Variants in IQCJ observed in about 807,000 individuals in gnomAD.
IQCJ encodes the protein IQ domain-containing protein J.
In IQCJ, 9 loss-of-function variants were observed where a neutral mutation model predicts 11.0. That is an observed-to-expected ratio of 0.82 (90% CI 0.49 to 1.43). The LOEUF (loss-of-function observed/expected upper bound fraction) is 1.43, where lower values mean the gene tolerates loss of function less well. Ranked by LOEUF, IQCJ falls within the 40% of genes most tolerant of loss-of-function variation. The pLI, the probability that IQCJ is intolerant of heterozygous loss-of-function variation, is 0.00. For missense variants in IQCJ, 146 were observed against 133.2 expected (o/e 1.10, Z -0.47); for synonymous variants, 55 against 51.3 (o/e 1.07, Z -0.31).
chr3:159,261,612 T>A (rs1239864304), intron 3 of IQCJ, among the ~76,000 whole-genome samples: 1 of 152,140 alleles, frequency 6.6e-6, no homozygotes, highest in East Asian at 1.9e-4. Context: ...TCCTGAGACC[T>A]CCCCAGCCAT....
intron 1 of IQCJ, among the ~76,000 whole-genome samples, chr3:159,073,328 G>T (rs1410801645): frequency 2.6e-5 from 4 of 152,074 alleles, no homozygotes; most frequent in Non-Finnish European, 5.9e-5. Flanking sequence ...AGGAAGATCT[G>T]AGCAGTGTAC....
intron 1 of IQCJ, among the ~76,000 whole-genome samples, chr3:159,185,337 C>T (rs1462112324): frequency 7.2e-5 from 11 of 152,000 alleles, no homozygotes; most frequent in African/African-American, 2.7e-4. Context: ...ATCCTAGCTG[C>T]AAGGGAGTTT....
chr3:159,164,923 C>A (rs1452435621), intron 1 of IQCJ, among the ~76,000 whole-genome samples: 2 of 152,222 alleles, frequency 1.3e-5, no homozygotes, highest in Non-Finnish European at 2.9e-5. Context: ...TCTCACATTT[C>A]ATTCTTGACT....
chr3:159,263,511 G>A lies in IQCJ; in HGVS notation c.*780G>A. ...GGGATTTATGAACCAGGATTTTGTG[G>A]ATTTAAGCATTGTGATAATTTGTAA... is the stretch of plus-strand genomic sequence containing the variant. On this transcript the variant is annotated 3_prime_UTR_variant, in exon 4 of 4. Coordinates refer to ENST00000397832, the MANE Select transcript of IQCJ (RefSeq NM_001042706.3). The A allele has an allele frequency of 2.0e-6, 2 of 984,884 alleles. No homozygotes were observed. The highest frequency in any genetic ancestry group is 1.2e-6 in the Non-Finnish European group (1 of 829,472). The allele number at this position is 984,884 out of a possible 1,614,324, so 61.0% of individuals were successfully genotyped here.
chr3:159,228,278 C>A (rs1231943044), intron 1 of IQCJ, among the ~76,000 whole-genome samples: 1 of 152,124 alleles, frequency 6.6e-6, no homozygotes, highest in Admixed American at 6.5e-5. Context: ...GGCTTTCTTT[C>A]TGAACATGCT....
chr3:159,137,269 A>G (rs952116621), intron 1 of IQCJ, among the ~76,000 whole-genome samples: 1 of 145,678 alleles, frequency 6.9e-6, no homozygotes, highest in Non-Finnish European at 1.5e-5. Context: ...CTTGGAAAAA[A>G]AAAAAAAAAG....
intron 1 of IQCJ, among the ~76,000 whole-genome samples, chr3:159,082,937 A>C (rs1300980097): frequency 2.6e-5 from 4 of 152,130 alleles, no homozygotes; most frequent in Non-Finnish European, 4.4e-5. Context: ...ACGAACCTCG[A>C]CCACATGCCT....
intron 1 of IQCJ, among the ~76,000 whole-genome samples, chr3:159,182,528 A>C (rs1449646638): frequency 6.6e-6 from 1 of 151,992 alleles, no homozygotes; most frequent in Non-Finnish European, 1.5e-5. Flanking sequence ...GGGCATCGGC[A>C]AGACTCCTGT....
intron 1 of IQCJ, among the ~76,000 whole-genome samples, chr3:159,160,962 T>C (rs1721815666): frequency 1.3e-5 from 2 of 152,190 alleles, no homozygotes; most frequent in South Asian, 4.1e-4. Context: ...TCCAAGTCTT[T>C]GCTATTATGA....
chr3:159,152,908 C>T (rs967987407), intron 1 of IQCJ, among the ~76,000 whole-genome samples: 8 of 151,924 alleles, frequency 5.3e-5, no homozygotes, highest in Non-Finnish European at 8.8e-5. Context: ...TAAGGTAGTA[C>T]GCCATAAGTG....
chr3:159,173,808 G>C (rs968340675), intron 1 of IQCJ, among the ~76,000 whole-genome samples: 1 of 152,084 alleles, frequency 6.6e-6, no homozygotes, highest in Non-Finnish European at 1.5e-5. Context: ...ATGTATGAAA[G>C]CATATTACAT....
intron 1 of IQCJ, among the ~76,000 whole-genome samples, chr3:159,148,735 G>T (rs1439003265): frequency 6.6e-6 from 1 of 152,090 alleles, no homozygotes; most frequent in Non-Finnish European, 1.5e-5. Flanking sequence ...TCTGCCTAAT[G>T]GTTTTATTAA....
Position 159,252,810 on chromosome 3 carries a change from A to G in IQCJ, c.155+3A>G. On this transcript the variant is annotated splice_donor_region_variant and intron_variant, in intron 3 of 3. Coordinates refer to ENST00000397832, the MANE Select transcript of IQCJ (RefSeq NM_001042706.3). ...CCCTTGGAATCAAAGGTGAAAATGT[A>G]AGTTATTTCAAAGTATAAATTAAGC... The G allele has an allele frequency of 6.2e-7, 1 of 1,608,936 alleles. No homozygotes were observed. The highest frequency in any genetic ancestry group is 8.5e-7 in the Non-Finnish European group (1 of 1,177,776).
intron 1 of IQCJ, among the ~76,000 whole-genome samples, chr3:159,159,443 C>T (rs1172278690): frequency 3.9e-5 from 6 of 152,066 alleles, no homozygotes; most frequent in Admixed American, 6.6e-5. Context: ...CAAATACCAG[C>T]GCATCAAGCA....
At chr3:159,253,509 GTTTTCCGAGATC>G (rs1727719298) in intron 3 of IQCJ, among the ~76,000 whole-genome samples, 2 of 151,952 alleles carry the variant, frequency 1.3e-5, no homozygotes, top group Admixed American at 6.6e-5. Context: ...ATTTATGACC[GTTTTCCGAGATC>G]TTTTCCTGTT....
chr3:159,217,667 C>A (rs531595257), intron 1 of IQCJ, among the ~76,000 whole-genome samples: 18 of 152,292 alleles, frequency 1.2e-4, no homozygotes, highest in Admixed American at 7.2e-4. Context: ...TTTGTTTCCA[C>A]TGCCAAGACA....
chr3:159,165,020 T>G (rs1217218890), intron 1 of IQCJ, among the ~76,000 whole-genome samples: 1 of 152,316 alleles, frequency 6.6e-6, no homozygotes, highest in Non-Finnish European at 1.5e-5. Flanking sequence ...TATTTACATC[T>G]TATTCACCAA....
At chr3:159,256,404 AAAGAACTTTAAAGATG>A (rs1727899561) in intron 3 of IQCJ, among the ~76,000 whole-genome samples, 1 of 152,224 alleles carries the variant, frequency 6.6e-6, no homozygotes, top group Admixed American at 6.5e-5. Flanking sequence ...AGCATTCCCA[AAAGAACTTTAAAGATG>A]TTTAGTAAAC....
At chr3:159,233,616 T>G (rs1368490282) in intron 1 of IQCJ, among the ~76,000 whole-genome samples, 1 of 152,172 alleles carries the variant, frequency 6.6e-6, no homozygotes, top group East Asian at 1.9e-4. Context: ...AGCTTTGAAA[T>G]TTGGTACAAT....
Sources: gnomAD v4.1 joint callset for allele counts (sites outside exome capture counted in the v4.1 genomes callset) on GRCh38, gnomAD v4.1.1 for gene constraint, MANE v1.5 for transcripts, NCBI Gene and HGNC (gene_info 2026-07-23, HGNC 2026-07-21) for gene names.